The following LRRN2 variants were observed in gnomAD, a reference collection of about 807,000 sequenced individuals.
The protein encoded by LRRN2 is leucine-rich repeat neuronal protein 2.
LRRN2 carries 10 observed loss-of-function variants against 35.7 expected under a neutral mutation model. That is an observed-to-expected ratio of 0.28 (90% confidence interval 0.17 to 0.47). The LOEUF is 0.47. Among genes scored for constraint, LRRN2 ranks in the 20% least tolerant of loss-of-function variants. The pLI is 0.99. For synonymous variants in LRRN2, 391 were observed against 409.6 expected, an observed-to-expected ratio of 0.95 and a Z score of 0.55; for missense variants, 731 against 940.3, an observed-to-expected ratio of 0.78 and a Z score of 2.91.
At chr1:204,672,797 C>T (rs1356128119) in intron 1 of LRRN2, among the ~76,000 whole-genome samples, 1 of 152,072 alleles carries the variant, frequency 6.6e-6, no homozygotes. Context: ...GGGTGGTCAC[C>T]GGCCCCCTCA....
chr1:204,619,726 C>T lies in LRRN2; in HGVS notation c.267G>A (p.Leu89=). The change falls in exon 2 of 2, where the codon CTG becomes CTA. Residue 89 remains leucine, a synonymous_variant. Transcript: ENST00000367177. The stretch of plus-strand genomic sequence containing the variant: ...GCTCTGTGAGATTGGCCAGGTAGCC[C>T]AGCTCACTCTGGTCCACACGGACAA... ...NSIVRVDQSE[L]GYLANLTELD... 2 of 1,614,200 alleles carry T rather than the reference C, an allele frequency of 1.2e-6. No homozygotes were observed. The highest frequency in any genetic ancestry group is 1.7e-6 in the Non-Finnish European group (2 of 1,180,006).
At chr1:204,670,008 T>G (rs80042668) in intron 1 of LRRN2, among the ~76,000 whole-genome samples, 19 of 12,778 alleles carry the variant, frequency 1.5e-3, no homozygotes, top group Non-Finnish European at 6.9e-3. Context: ...TTCCACTCGT[T>G]TTTTTTTTTG....
Position 204,638,539 on chromosome 1 carries a change from TA to T in LRRN2, c.-226-18322del, listed in dbSNP as rs563417193. Among the ~76,000 whole-genome samples, 58 of 149,652 alleles carry T rather than the reference TA, an allele frequency of 3.9e-4. 1 individual carries two copies. In the South Asian group the frequency reaches 0.012, roughly 31 times the overall value. ...CAATTCTCTGCCTCAGCCTCCGGAG[TA>T]GCTGAGATTACAGGCATGTGCCACC... On this transcript the variant is annotated intron_variant, in intron 1 of 1. Coordinates refer to ENST00000367177, the MANE Select transcript of LRRN2 (RefSeq NM_201630.2).
chr1:204,629,995 T>C lies in LRRN2; in HGVS notation c.-226-9777A>G, dbSNP rs549586624. ...GTTAAAAACCTATATATCAGGTATATGCTCACTACCAGGGTGACAGGAGCC... is the reference window on the plus strand; with the variant it reads ...GTTAAAAACCTATATATCAGGTATACGCTCACTACCAGGGTGACAGGAGCC... On this transcript the variant is annotated intron_variant, in intron 1 of 1. Transcript: ENST00000367177. Among the ~76,000 whole-genome samples the C allele has an allele frequency of 3.7e-4, 57 of 152,316 alleles. No homozygotes were observed. In the South Asian group the frequency reaches 6.8e-3, roughly 18 times the overall value.
At chr1:204,673,362 C>G (rs1412024261) in intron 1 of LRRN2, among the ~76,000 whole-genome samples, 1 of 152,036 alleles carries the variant, frequency 6.6e-6, no homozygotes, top group Non-Finnish European at 1.5e-5. Flanking sequence ...TACTGTGTGC[C>G]AAGCATTTTA....
At position 204,671,642 on chromosome 1, in the gene LRRN2, TAAAAAAAAAAA is replaced by T. The variant is rs35192809; in HGVS notation, c.-227+13667_-227+13677del. 3.0e-3 allele frequency among the ~76,000 whole-genome samples: 92 copies of T among 30,252 alleles called. 1 individual carries two copies. The highest frequency in any genetic ancestry group is 8.0e-3 in the African/African-American group (58 of 7,248). 19.8% of individuals were successfully genotyped at this position (30,252 alleles called of 152,430 possible). ...GAAGGCAGAGGAAGGTAATTGATGG[TAAAAAAAAAAA>T]AAAAAAAAAAAAAAAAAGCAAAGGT... On this transcript the variant is annotated intron_variant, in intron 1 of 1. Transcript: ENST00000367177.
intron 1 of LRRN2, chr1:204,627,464 G>A (rs1432558745): frequency 6.6e-6 from 1 of 152,228 alleles, no homozygotes; most frequent in Non-Finnish European, 1.5e-5. Flanking sequence ...GTTGGGCCTG[G>A]GAGGGGAGGG....
rs1370229794 is a variant in LRRN2, at chr1:204,632,882, C to G, written c.-226-12664G>C. ...CCGGGAGGTGGAGCTTGCAGTGAGT[C>G]GAGACCACATCACTGCACTCCAGCC... On this transcript the variant is annotated intron_variant, in intron 1 of 1. Coordinates refer to ENST00000367177, the MANE Select transcript of LRRN2 (RefSeq NM_201630.2). Among the ~76,000 whole-genome samples, 5 of 149,578 alleles carry G rather than the reference C, an allele frequency of 3.3e-5. No homozygotes were observed. In the East Asian group the frequency reaches 7.9e-4, roughly 24 times the overall value.
At chr1:204,643,472 C>T (rs1668029898) in intron 1 of LRRN2, among the ~76,000 whole-genome samples, 1 of 152,058 alleles carries the variant, frequency 6.6e-6, no homozygotes, top group African/African-American at 2.4e-5. Flanking sequence ...GTGGGTTGGC[C>T]CCTTTCCACG....
intron 1 of LRRN2, among the ~76,000 whole-genome samples, chr1:204,684,967 C>T (rs1669036433): frequency 6.6e-6 from 1 of 152,204 alleles, no homozygotes; most frequent in Non-Finnish European, 1.5e-5. Context: ...CCCCACTCTA[C>T]CCAGCAACAG....
intron 1 of LRRN2, among the ~76,000 whole-genome samples, chr1:204,673,883 A>G (rs1183021874): frequency 1.3e-5 from 2 of 152,106 alleles, no homozygotes; most frequent in Non-Finnish European, 2.9e-5. Flanking sequence ...GCCTAGAAGC[A>G]GCAAGGATCT....
intron 1 of LRRN2, among the ~76,000 whole-genome samples, chr1:204,638,787 T>C (rs1358830919): frequency 6.6e-6 from 1 of 152,170 alleles, no homozygotes; most frequent in East Asian, 1.9e-4. Context: ...TAGGGCCCCA[T>C]GATGCCTAAT....
At chr1:204,662,000 A>G (rs76904856) in intron 1 of LRRN2, among the ~76,000 whole-genome samples, 1,533 of 152,312 alleles carry the variant, frequency 0.01, 26 homozygotes, top group African/African-American at 0.034. Context: ...TAGCCACTGC[A>G]GAAAGCTGGA....
chr1:204,631,794 G>A (rs1201951556), intron 1 of LRRN2, among the ~76,000 whole-genome samples: 3 of 152,240 alleles, frequency 2.0e-5, no homozygotes, highest in Non-Finnish European at 4.4e-5. Context: ...AACATATGAA[G>A]TGAGTTCCAA....
At position 204,652,271 on chromosome 1, in the gene LRRN2, G is replaced by GCC. The variant is rs139729831; in HGVS notation, c.-226-32055_-226-32054dup. Among the ~76,000 whole-genome samples, 22 of 70,638 alleles carry GCC rather than the reference G, an allele frequency of 3.1e-4. No homozygotes were observed. The South Asian group carries it at 3.3e-3, about 11-fold the overall frequency. 46.3% of individuals were successfully genotyped at this position (70,638 alleles called of 152,430 possible). A position where few individuals can be genotyped will look rare whatever the true frequency, so the allele number is the denominator to read the frequency against. ...CTCTCCTCTTCACCGCCCCCCCCCC[G>GCC]CCCCCCCGCCGCCTTCCTCCTTGCC... On this transcript the variant is annotated intron_variant, in intron 1 of 1. Coordinates refer to ENST00000367177, the MANE Select transcript of LRRN2 (RefSeq NM_201630.2).
chr1:204,658,436 T>G (rs936238390), intron 1 of LRRN2, among the ~76,000 whole-genome samples: 1 of 152,218 alleles, frequency 6.6e-6, no homozygotes, highest in African/African-American at 2.4e-5. Context: ...TTTGAGCAAA[T>G]GCTCACTTTT....
At chr1:204,653,570 C>T (rs1668279365) in intron 1 of LRRN2, among the ~76,000 whole-genome samples, 1 of 152,112 alleles carries the variant, frequency 6.6e-6, no homozygotes, top group African/African-American at 2.4e-5. Flanking sequence ...ATCTAAAATA[C>T]AGAGATTGGC....
At chr1:204,649,628 C>T (rs1230942459) in intron 1 of LRRN2, among the ~76,000 whole-genome samples, 1 of 152,152 alleles carries the variant, frequency 6.6e-6, no homozygotes, top group East Asian at 1.9e-4. Flanking sequence ...CATGAAGGGC[C>T]GTGAGTTCCT....
intron 1 of LRRN2, among the ~76,000 whole-genome samples, chr1:204,665,514 T>A (rs1668559173): frequency 6.6e-6 from 1 of 152,200 alleles, no homozygotes; most frequent in Admixed American, 6.5e-5. Context: ...TTACCCTTTT[T>A]ATCTGTCCCT....
Sources: allele counts gnomAD v4.1 joint callset (sites outside exome capture counted in the v4.1 genomes callset), GRCh38; gene constraint gnomAD v4.1.1; transcripts MANE v1.5; gene names NCBI Gene and HGNC (gene_info 2026-07-23, HGNC 2026-07-21).